OFD1: variants seen among roughly 807,000 people sequenced by gnomAD.
OFD1 encodes the protein centriole and centriolar satellite protein OFD1.
In OFD1, 12 loss-of-function variants were observed where a neutral mutation model predicts 81.4. The ratio of observed to expected loss-of-function variants is 0.15; its 90% CI spans 0.09 to 0.24. OFD1 has a LOEUF of 0.24. OFD1 is among the 10% of genes least tolerant of loss of function. OFD1 has a pLI of 1.00. For missense variants in OFD1, 685 were observed against 733.9 expected (o/e 0.93, Z 0.77); for synonymous variants, 256 against 263.7 (o/e 0.97, Z 0.28).
At chrX:13,746,204 A>C in intron 6 of OFD1, 115 bp from the exon 7 acceptor site, 1 of 629,950 alleles carries the variant, frequency 1.6e-6, no homozygotes, top group South Asian at 2.4e-5. Context: ...AGTAAGTTGC[A>C]GATAATCCCT....
intron 5 of OFD1, chrX:13,739,967 G>C (rs1285754303): frequency 1.1e-6 from 1 of 890,757 alleles, no homozygotes; most frequent in African/African-American, 2.1e-5. Flanking sequence ...CTTTTGTGTT[G>C]GTACACCCTT....
chrX:13,723,616 G>C, the OFD1 span, among the ~76,000 whole-genome samples: 1 of 111,945 alleles, frequency 8.9e-6, no homozygotes, highest in Admixed American at 9.5e-5. Flanking sequence ...GTGTATGTAT[G>C]GTCTGCTCGA....
At chrX:13,740,750 G>A (rs1213422477) in intron 5 of OFD1, among the ~76,000 whole-genome samples, 52 of 104,870 alleles carry the variant, frequency 5.0e-4, no homozygotes, top group African/African-American at 1.8e-3. Flanking sequence ...CCAAGATAGC[G>A]CCACTGCACT....
chrX:13,755,069 A>T, intron 11 of OFD1, 82 bp from the exon 12 acceptor site: 1 of 681,121 alleles, frequency 1.5e-6, no homozygotes, highest in Non-Finnish European at 2.4e-6. Context: ...ATTAGGTCTG[A>T]CATACTGGCC....
At chrX:13,755,079 CATA>C in intron 11 of OFD1, 69 bp from the exon 12 acceptor site, 1 of 736,073 alleles carries the variant, frequency 1.4e-6, no homozygotes, top group Non-Finnish European at 2.1e-6. Flanking sequence ...ACATACTGGC[CATA>C]AATATTAAAT....
At chrX:13,720,176 T>C in the OFD1 span, 13 of 267,208 alleles carry the variant, frequency 4.9e-5, no homozygotes, top group East Asian at 7.0e-4. Context: ...ATCTATGATA[T>C]GAATCTGTGA....
chrX:13,716,800 C>CTTCG, the OFD1 span: 1 of 702,259 alleles, frequency 1.4e-6, no homozygotes, highest in Non-Finnish European at 2.1e-6. Flanking sequence ...TGCTTTTATA[C>CTTCG]TTTGTTATTG....
At chrX:13,756,309 T>C in intron 12 of OFD1, among the ~76,000 whole-genome samples, 1 of 112,052 alleles carries the variant, frequency 8.9e-6, no homozygotes, top group Middle Eastern at 4.6e-3. Context: ...TGTGTGATTA[T>C]TGTTGGGTTC....
chrX:13,732,793 A>G (rs988808860), upstream of OFD1, among the ~76,000 whole-genome samples: 1 of 112,381 alleles, frequency 8.9e-6, no homozygotes, highest in Non-Finnish European at 1.9e-5. Flanking sequence ...AAACTCATGG[A>G]CTCCAGTTCC....
chrX:13,745,922 G>T (rs923110772), intron 6 of OFD1, among the ~76,000 whole-genome samples: 5 of 112,247 alleles, frequency 4.5e-5, no homozygotes, highest in African/African-American at 1.3e-4. Flanking sequence ...ATGTAAGTCA[G>T]CTTTAACCAG....
upstream of OFD1, chrX:13,734,375 C>T (rs2046759934): frequency 3.4e-6 from 1 of 297,257 alleles, no homozygotes; most frequent in East Asian, 5.2e-5. Flanking sequence ...AAGGGCTGCG[C>T]GGATGAGCCA....
the OFD1 span, among the ~76,000 whole-genome samples, chrX:13,722,562 A>G: frequency 2.9e-3 from 321 of 111,847 alleles, 1 homozygote; most frequent in Non-Finnish European, 4.8e-3. Flanking sequence ...TGACAGGTGA[A>G]GTGGAAGAAC....
rs1197302869 is a variant in OFD1, at chrX:13,768,218, A to G, written c.2922A>G (p.Ala974=). 3.3e-6 allele frequency: 4 copies of G among 1,206,129 alleles called. No homozygotes were observed. In the South Asian group the frequency reaches 7.0e-5, roughly 21 times the overall value. Residue 974 remains alanine (A), a synonymous_variant, in exon 21 of 23, where the codon GCA becomes GCG. Transcript: ENST00000340096. ...AGCAGGAGCAAGACCAGGAGTCGGC[A>G]GATAAGGTGCCAGTGCCATGGGCAG... ...IIQQEQDQES[A]DKSSKKMVQE...
chrX:13,734,715 G>C, upstream of OFD1: 1 of 997,865 alleles, frequency 1.0e-6, no homozygotes, highest in South Asian at 3.2e-5. Flanking sequence ...AGCTCGGGAA[G>C]GCTATATTTA....
chrX:13,757,633 ATTTTTT>A (rs36052228), intron 13 of OFD1, 21 bp from the exon 14 acceptor site: 21 of 1,114,403 alleles, frequency 1.9e-5, no homozygotes, highest in Non-Finnish European at 2.5e-5. Context: ...AATGACTAGG[ATTTTTT>A]TTTTTTTTTT....
rs1177372393 is a variant in OFD1, at chrX:13,752,504, T to A, written c.1056-864T>A. On this transcript the variant is annotated intron_variant, in intron 10 of 22. Transcript: ENST00000340096. ...TAATCCTTTAAACAAATCCTATTTT[T>A]AAAAAATATGGCAGCTTTTTTATCT... Among the ~76,000 whole-genome samples the A allele has an allele frequency of 5.3e-5, 6 of 112,731 alleles. No homozygotes were observed. In the Admixed American group the frequency reaches 5.6e-4, roughly 11 times the overall value.
intron 20 of OFD1, chrX:13,767,799 T>A (rs1425097283): frequency 6.2e-6 from 2 of 324,304 alleles, no homozygotes; most frequent in African/African-American, 2.6e-5. Context: ...TGAATTACTC[T>A]AACATATGAA....
At chrX:13,757,591 T>C (rs1209567938) in intron 13 of OFD1, 69 bp from the exon 14 acceptor site, 1 of 1,112,532 alleles carries the variant, frequency 9.0e-7, no homozygotes, top group Non-Finnish European at 1.2e-6. Flanking sequence ...TAACTGTTTT[T>C]GTTAAGTTAA....
At chrX:13,721,560 TAGCA>T in the OFD1 span, 1 of 111,983 alleles carries the variant, frequency 8.9e-6, no homozygotes, top group East Asian at 2.8e-4. Context: ...AGCCAAGACT[TAGCA>T]AGCCTCATTG....
Sources: gnomAD v4.1 joint callset for allele counts (sites outside exome capture counted in the v4.1 genomes callset) on GRCh38, gnomAD v4.1.1 for gene constraint, MANE v1.5 for transcripts, NCBI Gene and HGNC (gene_info 2026-07-23, HGNC 2026-07-21) for gene names.